The following TTC28 variants were observed in gnomAD, a reference collection of about 807,000 sequenced individuals.
TTC28 encodes tetratricopeptide repeat protein 28.
In TTC28, 61 loss-of-function variants were observed where a neutral mutation model predicts 198.0. The observed-to-expected ratio is 0.31, with a 90% CI of 0.25 to 0.38. TTC28 has a LOEUF of 0.38. TTC28 is among the 10% of genes least tolerant of loss of function. The pLI, the probability that TTC28 is intolerant of heterozygous loss-of-function variation, is 1.00. For missense variants in TTC28, 2,678 were observed against 3,164.0 expected (o/e 0.85, Z 3.69); for synonymous variants, 1,171 against 1,297.8 (o/e 0.90, Z 2.10).
At chr22:28,356,284 T>A (rs1479497021) in intron 2 of TTC28, among the ~76,000 whole-genome samples, 7 of 152,174 alleles carry the variant, frequency 4.6e-5, no homozygotes. Flanking sequence ...TCCTCACTTT[T>A]CACTCACTCT....
chr22:28,594,639 G>C (rs1364578258), intron 2 of TTC28, among the ~76,000 whole-genome samples: 1 of 150,608 alleles, frequency 6.6e-6, no homozygotes, highest in African/African-American at 2.5e-5. Context: ...GTATAATATA[G>C]TATAAAGCGA....
chr22:28,018,449 CAA>C (rs1938468657), intron 13 of TTC28, among the ~76,000 whole-genome samples: 1 of 152,334 alleles, frequency 6.6e-6, no homozygotes, highest in East Asian at 1.9e-4. Context: ...GTAAATCCAT[CAA>C]GACTTTCTCC....
In TTC28 at chr22:27,992,576, G is replaced by A. The variant is rs530469005; in HGVS notation, c.5553+11C>T. 1.7e-5 allele frequency: 27 copies of A among 1,551,144 alleles called. No individual in the cohort carries two copies. Among genetic ancestry groups the A allele is most frequent in the Non-Finnish European group, 2.4e-5 (27 of 1,146,922 alleles). ...CTCAGGCCCTGGCTCAGCCCTCCAGGCTCGACTTACCCGGCTGATGAGCTG... is the reference window on the plus strand; with the variant it reads ...CTCAGGCCCTGGCTCAGCCCTCCAGACTCGACTTACCCGGCTGATGAGCTG... On this transcript the variant is annotated intron_variant, in intron 19 of 22. Coordinates refer to ENST00000397906, the MANE Select transcript of TTC28 (RefSeq NM_001145418.2).
chr22:28,419,278 A>T (rs562827149), intron 2 of TTC28, among the ~76,000 whole-genome samples: 53 of 152,276 alleles, frequency 3.5e-4, no homozygotes, highest in African/African-American at 1.3e-3. Flanking sequence ...TTTTCCAAGA[A>T]GTCTTCTCTG....
At chr22:28,040,137 C>T (rs2080129574) in intron 12 of TTC28, among the ~76,000 whole-genome samples, 1 of 152,166 alleles carries the variant, frequency 6.6e-6, no homozygotes, top group South Asian at 2.1e-4. Flanking sequence ...GACAGATTCA[C>T]AGCCAAATTC....
intron 5 of TTC28, among the ~76,000 whole-genome samples, chr22:28,218,637 T>C (rs953630526): frequency 2.6e-5 from 4 of 152,200 alleles, no homozygotes; most frequent in Non-Finnish European, 5.9e-5. Flanking sequence ...GCCTTTCTTT[T>C]AGACAACCAG....
chr22:28,622,146 A>G (rs2051010120), intron 2 of TTC28, among the ~76,000 whole-genome samples: 1 of 152,224 alleles, frequency 6.6e-6, no homozygotes, highest in Non-Finnish European at 1.5e-5. Context: ...TACTGTAAGA[A>G]TGGTAAGCAA....
At chr22:28,406,870 C>T (rs1274333123) in intron 2 of TTC28, among the ~76,000 whole-genome samples, 1 of 152,080 alleles carries the variant, frequency 6.6e-6, no homozygotes, top group Admixed American at 6.5e-5. Context: ...ATTGTTAATT[C>T]ATGGAAAAGC....
chr22:27,986,609 C>T (rs1459916835), intron 21 of TTC28, among the ~76,000 whole-genome samples: 1 of 152,140 alleles, frequency 6.6e-6, no homozygotes, highest in Middle Eastern at 3.2e-3. Flanking sequence ...CTCCTCTGAC[C>T]TCACAGTGTT....
chr22:28,646,646 C>T (rs1480372256), intron 1 of TTC28, among the ~76,000 whole-genome samples: 2 of 152,276 alleles, frequency 1.3e-5, no homozygotes, highest in South Asian at 2.1e-4. Context: ...GGGGGGATCA[C>T]TTCAGGCCAG....
At chr22:28,529,415 A>C (rs1400022695) in intron 2 of TTC28, among the ~76,000 whole-genome samples, 1 of 152,148 alleles carries the variant, frequency 6.6e-6, no homozygotes, top group Non-Finnish European at 1.5e-5. Context: ...CTGGAAGCTC[A>C]AACTGGGTGG....
At chr22:28,318,139 G>GACTCAAGTGATCCTCCTGC (rs2045382064) in intron 2 of TTC28, among the ~76,000 whole-genome samples, 1 of 150,860 alleles carries the variant, frequency 6.6e-6, no homozygotes, top group Admixed American at 6.6e-5. Context: ...CAAACTCCTG[G>GACTCAAGTGATCCTCCTGC]ACTCAAGTGA....
chr22:28,335,321 T>A (rs1171375789), intron 2 of TTC28, among the ~76,000 whole-genome samples: 2 of 152,214 alleles, frequency 1.3e-5, no homozygotes, highest in Admixed American at 6.5e-5. Context: ...TGGCTTAGGA[T>A]TGACTTGGCA....
rs2046638938 is a variant in TTC28 at position 28,387,916 on chromosome 22, A to G, written c.382-81273T>C. Among the ~76,000 whole-genome samples, 3 of 152,220 alleles carry G rather than the reference A, an allele frequency of 2.0e-5. No individual in the cohort carries two copies. In the South Asian group the frequency reaches 6.2e-4, roughly 32 times the overall value. On this transcript the variant is annotated intron_variant, in intron 2 of 22. Transcript: ENST00000397906. ...TTGGTGTTTTAGACACGAAGTCCTT[A>G]CCCATGCCTATGTGCTGAATGGTAA...
At chr22:28,605,298 A>G (rs2050711648) in intron 2 of TTC28, among the ~76,000 whole-genome samples, 1 of 152,230 alleles carries the variant, frequency 6.6e-6, no homozygotes, top group Admixed American at 6.5e-5. Flanking sequence ...TTCTCCTCTT[A>G]GATCAACAAT....
chr22:28,023,767 G>A (rs1938708119), intron 13 of TTC28, among the ~76,000 whole-genome samples: 1 of 152,188 alleles, frequency 6.6e-6, no homozygotes, highest in African/African-American at 2.4e-5. Context: ...ATGAGGGCCT[G>A]TGGGGCCGGA....
chr22:28,422,057 T>TA (rs1480031320), intron 2 of TTC28, among the ~76,000 whole-genome samples: 1 of 152,138 alleles, frequency 6.6e-6, no homozygotes, highest in Non-Finnish European at 1.5e-5. Flanking sequence ...ATTTCTCTTT[T>TA]AAAAAATTCC....
chr22:28,206,026 T>A (rs1394283095), intron 5 of TTC28, among the ~76,000 whole-genome samples: 1 of 150,612 alleles, frequency 6.6e-6, no homozygotes, highest in Non-Finnish European at 1.5e-5. Context: ...TATTGAAAAT[T>A]GGGAAAGGCA....
At chr22:28,611,574 T>C (rs1331025630) in intron 2 of TTC28, among the ~76,000 whole-genome samples, 1 of 149,022 alleles carries the variant, frequency 6.7e-6, no homozygotes, top group East Asian at 2.0e-4. Context: ...TAGTTACATA[T>C]GTATACATGT....
Sources: gnomAD v4.1 joint callset for allele counts (sites outside exome capture counted in the v4.1 genomes callset) on GRCh38, gnomAD v4.1.1 for gene constraint, MANE v1.5 for transcripts, NCBI Gene and HGNC (gene_info 2026-07-23, HGNC 2026-07-21) for gene names.